NUP133: variants seen among roughly 807,000 people sequenced by gnomAD.
NUP133 encodes nuclear pore complex protein Nup133.
Under a neutral mutation model 146.2 loss-of-function variants are expected in NUP133, and 66 were observed. That is an observed-to-expected ratio of 0.45 (90% CI 0.37 to 0.55). The LOEUF is 0.55. Ranked by LOEUF, NUP133 falls within the 20% of genes least tolerant of loss-of-function variation. The pLI is 0.00. For synonymous variants in NUP133, 521 were observed against 498.8 expected (o/e 1.04, Z -0.59); for missense variants, 1,277 against 1,374.8 (o/e 0.93, Z 1.12).
chr1:229,486,777 G>C (rs1180891267), intron 10 of NUP133, among the ~76,000 whole-genome samples: 1 of 151,984 alleles, frequency 6.6e-6, no homozygotes, highest in Non-Finnish European at 1.5e-5. Context: ...TTGCCAGACA[G>C]CAGTCAGTCT....
In NUP133 at chr1:229,441,116, T is replaced by C. The variant is rs1004619471; in HGVS notation, c.*788A>G. 7.0e-6 allele frequency: 2 copies of C among 287,138 alleles called. No individual in the cohort carries two copies. The highest frequency in any genetic ancestry group is 8.2e-5 in the East Asian group (1 of 12,176). The allele number at this position is 287,138 out of a possible 1,614,324, so 17.8% of individuals were successfully genotyped here. The stretch of plus-strand genomic sequence containing the variant: ...CATCAATTGCCATATTAGGAAAACC[T>C]ATAATGGTTTCTAGTATCATTCATG... On this transcript the variant is annotated 3_prime_UTR_variant, in exon 26 of 26. Transcript: ENST00000261396.
At chr1:229,452,797 A>G (rs1221107594) in intron 21 of NUP133, among the ~76,000 whole-genome samples, 154 bp from the exon 22 acceptor site, 1 of 152,232 alleles carries the variant, frequency 6.6e-6, no homozygotes, top group African/African-American at 2.4e-5. Flanking sequence ...AATGCTTTTA[A>G]TTCTTATTCT....
intron 23 of NUP133, among the ~76,000 whole-genome samples, chr1:229,449,659 C>T (rs1251285208): frequency 6.6e-6 from 1 of 150,926 alleles, no homozygotes; most frequent in East Asian, 2.0e-4. Context: ...GTGTAAGCCA[C>T]CTCGCCCGGC....
At chr1:229,505,933 A>C (rs921847417) in intron 2 of NUP133, 107 bp downstream of exon 2, 1 of 664,858 alleles carries the variant, frequency 1.5e-6, no homozygotes, top group African/African-American at 1.8e-5. Flanking sequence ...CCCATCTCTC[A>C]CCATTTACGT....
intron 10 of NUP133, among the ~76,000 whole-genome samples, chr1:229,486,929 AAGCCTACCTGGC>A (rs1661366572): frequency 6.7e-6 from 1 of 150,238 alleles, no homozygotes; most frequent in African/African-American, 2.4e-5. Context: ...AAAAAGGTCT[AAGCCTACCTGGC>A]ACCTTAGTAA....
intron 25 of NUP133, among the ~76,000 whole-genome samples, chr1:229,443,162 A>C (rs1195412933): frequency 3.3e-5 from 5 of 151,588 alleles, no homozygotes; most frequent in Admixed American, 3.3e-4. Context: ...CAGCTTCCTG[A>C]GTAGCAGGGA....
At chr1:229,449,091 A>T in intron 24 of NUP133, 35 bp downstream of exon 24, 1 of 1,529,802 alleles carries the variant, frequency 6.5e-7, no homozygotes, top group Non-Finnish European at 9.1e-7. Flanking sequence ...AGCAGTTTCT[A>T]TACTTTCCAA....
At chr1:229,453,047 T>G (rs904103653) in intron 21 of NUP133, among the ~76,000 whole-genome samples, 1 of 152,056 alleles carries the variant, frequency 6.6e-6, no homozygotes, top group East Asian at 1.9e-4. Flanking sequence ...AGTTGGCCCT[T>G]GAATAACAAG....
chr1:229,449,199 C>T lies in NUP133; in HGVS notation c.3181-9G>A, dbSNP rs768825035. Reference sequence around the variant, plus strand: ...ATATTTATATCTTCTTCCTTCACAGCAAAACAAAAAAAATCCTGATTAAAT... The same window carrying T: ...ATATTTATATCTTCTTCCTTCACAGTAAAACAAAAAAAATCCTGATTAAAT... On this transcript the variant is annotated splice_polypyrimidine_tract_variant and intron_variant, in intron 23 of 25. Transcript: ENST00000261396. The T allele has an allele frequency of 6.3e-7, 1 of 1,574,958 alleles. No individual in the cohort carries two copies. Among genetic ancestry groups the T allele is most frequent in the Non-Finnish European group, 8.7e-7 (1 of 1,155,336 alleles).
At chr1:229,498,962 G>A (rs933760182) in intron 5 of NUP133, among the ~76,000 whole-genome samples, 3 of 152,102 alleles carry the variant, frequency 2.0e-5, no homozygotes, top group Non-Finnish European at 4.4e-5. Flanking sequence ...GCAGTGGTGA[G>A]ATCATAGTTC....
At chr1:229,492,044 C>A (rs1053505999) in intron 8 of NUP133, among the ~76,000 whole-genome samples, 1 of 152,094 alleles carries the variant, frequency 6.6e-6, no homozygotes, top group Non-Finnish European at 1.5e-5. Context: ...ACTTGTTGCT[C>A]CCAATAAATT....
At chr1:229,475,425 C>A (rs909871295) in intron 14 of NUP133, among the ~76,000 whole-genome samples, 3 of 152,170 alleles carry the variant, frequency 2.0e-5, no homozygotes, top group South Asian at 4.1e-4. Context: ...CAAACGCACA[C>A]GGGAAATCTG....
intron 23 of NUP133, among the ~76,000 whole-genome samples, chr1:229,449,889 T>A (rs1171799903): frequency 1.7e-4 from 20 of 118,074 alleles, no homozygotes; most frequent in African/African-American, 5.2e-4. Flanking sequence ...TTTTTTTTTT[T>A]TTTTTTTTTT....
intron 12 of NUP133, among the ~76,000 whole-genome samples, chr1:229,482,697 C>G (rs1001400678): frequency 1.3e-5 from 2 of 152,136 alleles, no homozygotes; most frequent in African/African-American, 4.8e-5. Context: ...ACCCCATACG[C>G]GCATCTGCTT....
At chr1:229,461,813 A>G (rs1431325632) in intron 19 of NUP133, among the ~76,000 whole-genome samples, 1 of 152,228 alleles carries the variant, frequency 6.6e-6, no homozygotes, top group African/African-American at 2.4e-5. Flanking sequence ...ATAATTTTAA[A>G]ATCATGATCA....
At chr1:229,498,967 T>C (rs1265466495) in intron 5 of NUP133, among the ~76,000 whole-genome samples, 3 of 152,142 alleles carry the variant, frequency 2.0e-5, no homozygotes, top group African/African-American at 7.2e-5. Context: ...GGTGAGATCA[T>C]AGTTCACTGC....
chr1:229,457,708 T>G (rs536883675), intron 21 of NUP133, among the ~76,000 whole-genome samples: 1 of 152,328 alleles, frequency 6.6e-6, no homozygotes, highest in South Asian at 2.1e-4. Flanking sequence ...TTTTGATGTT[T>G]GGTCGAATCT....
chr1:229,485,376 T>C (rs1039974480), intron 11 of NUP133, among the ~76,000 whole-genome samples: 3 of 152,068 alleles, frequency 2.0e-5, no homozygotes, highest in African/African-American at 7.2e-5. Context: ...AGACTTGACT[T>C]TGGGAAAAAC....
chr1:229,494,130 A>C (rs1198027601), intron 8 of NUP133, among the ~76,000 whole-genome samples: 6 of 146,318 alleles, frequency 4.1e-5, no homozygotes, highest in Non-Finnish European at 7.4e-5. Context: ...ACTCAGTCTC[A>C]AAAAAAAATA....
Sources: allele counts gnomAD v4.1 joint callset (sites outside exome capture counted in the v4.1 genomes callset), GRCh38; gene constraint gnomAD v4.1.1; transcripts MANE v1.5; gene names NCBI Gene and HGNC (gene_info 2026-07-23, HGNC 2026-07-21).